The following ICA1 variants were observed in gnomAD, a reference collection of about 807,000 sequenced individuals.
ICA1 encodes 69 kDa islet cell autoantigen.
Under a neutral mutation model 71.0 loss-of-function variants are expected in ICA1, and 40 were observed. The ratio of observed to expected loss-of-function variants is 0.56; its 90% confidence interval spans 0.44 to 0.73. The LOEUF (loss-of-function observed/expected upper bound fraction) is 0.73. Ranked by LOEUF, ICA1 falls within the 30% of genes least tolerant of loss-of-function variation. The probability of loss-of-function intolerance (pLI) is 0.00; values close to 1 mark genes in which losing one functional copy is unlikely to be tolerated. For missense variants in ICA1, 578 were observed against 576.5 expected, an observed-to-expected ratio of 1.00 and a Z score of -0.03; for synonymous variants, 207 against 209.5, an observed-to-expected ratio of 0.99 and a Z score of 0.10.
At chr7:8,115,922 T>A (rs915912274) in intron 13 of ICA1, among the ~76,000 whole-genome samples, 1 of 152,222 alleles carries the variant, frequency 6.6e-6, no homozygotes, top group African/African-American at 2.4e-5. Context: ...TATTTCTGGC[T>A]AAAAATAGCA....
chr7:8,119,214 G>C (rs562161644), intron 13 of ICA1, among the ~76,000 whole-genome samples: 4 of 152,240 alleles, frequency 2.6e-5, no homozygotes, highest in African/African-American at 9.6e-5. Flanking sequence ...TTCCTGGAGG[G>C]CCAGGAGCTT....
chr7:8,153,334 G>T (rs535090871), intron 8 of ICA1, among the ~76,000 whole-genome samples: 37 of 152,270 alleles, frequency 2.4e-4, no homozygotes, highest in Admixed American at 7.8e-4. Flanking sequence ...TACAAATGCA[G>T]GAGGACAGGC....
intron 6 of ICA1, among the ~76,000 whole-genome samples, chr7:8,184,848 G>A (rs899598300): frequency 6.6e-6 from 1 of 152,184 alleles, no homozygotes; most frequent in African/African-American, 2.4e-5. Context: ...GCCAGGGCGG[G>A]CAGATCACTT....
chr7:8,196,531 G>C (rs2128314273), intron 6 of ICA1, among the ~76,000 whole-genome samples: 1 of 152,236 alleles, frequency 6.6e-6, no homozygotes, highest in East Asian at 1.9e-4. Flanking sequence ...GTCAACCTTG[G>C]CTCATTAATT....
At chr7:8,164,375 G>A (rs1030157834) in intron 6 of ICA1, among the ~76,000 whole-genome samples, 1 of 150,800 alleles carries the variant, frequency 6.6e-6, no homozygotes. Context: ...GTTTAGATTT[G>A]GATAGTGATG....
intron 8 of ICA1, among the ~76,000 whole-genome samples, chr7:8,145,797 C>A (rs1796683753): frequency 7.3e-6 from 1 of 136,662 alleles, no homozygotes; most frequent in South Asian, 2.5e-4. Flanking sequence ...AGACAGTAGT[C>A]CTTTTAACCA....
chr7:8,157,248 T>C (rs1232313105), intron 7 of ICA1, 34 bp from the exon 8 acceptor site: 1 of 1,557,698 alleles, frequency 6.4e-7, no homozygotes, highest in Admixed American at 1.9e-5. Context: ...ATTAATGTTT[T>C]GAATGCCCAG....
Position 8,128,123 on chromosome 7 carries a change from T to G in ICA1, c.1080A>C (p.Ala360=), listed in dbSNP as rs34160190. Residue 360 remains alanine, a synonymous_variant, in exon 13 of 14, where the codon GCA becomes GCC. Coordinates refer to ENST00000402384, the MANE Select transcript of ICA1 (RefSeq NM_001136020.3). The stretch of plus-strand genomic sequence containing the variant: ...CAGCACCTTCAGGTTCCGGGGTCCC[T>G]GCCACTGGTCCCAGGCAAGCTGATT... ...SEEGACLGPV[A]GTPEPEGADK... is the part of the protein sequence containing the mutation. The G allele has an allele frequency of 1.0e-3, 1,677 of 1,614,140 alleles. 6 individuals are homozygous for G. The highest frequency in any genetic ancestry group is 1.0e-3 in the Non-Finnish European group (1,222 of 1,179,988).
At chr7:8,165,176 C>T (rs1805451963) in intron 6 of ICA1, among the ~76,000 whole-genome samples, 3 of 152,206 alleles carry the variant, frequency 2.0e-5, no homozygotes, top group South Asian at 2.1e-4. Context: ...TGAACCAAGA[C>T]CTCTCGAGGG....
intron 6 of ICA1, among the ~76,000 whole-genome samples, chr7:8,172,270 G>T (rs1808644702): frequency 6.6e-6 from 1 of 151,924 alleles, no homozygotes; most frequent in Non-Finnish European, 1.5e-5. Context: ...ATCAGTTGTA[G>T]ACAACATTGG....
rs992516139 is a variant in ICA1 at position 8,123,708 on chromosome 7, G to T, written c.1330+4165C>A. ...TATCTCTATCCCTGTGTGCGACCAGGATGCCCAGGCCAGGGTGTCATTACA... is the reference window on the plus strand; with the variant it reads ...TATCTCTATCCCTGTGTGCGACCAGTATGCCCAGGCCAGGGTGTCATTACA... On this transcript the variant is annotated intron_variant, in intron 13 of 13. Coordinates refer to ENST00000402384, the MANE Select transcript of ICA1 (RefSeq NM_001136020.3). This position sits in a 1 kb window ranked among gnomAD's most constrained non-coding sequence, Gnocchi z 4.1. Among the ~76,000 whole-genome samples, 1 of 152,150 alleles carries T rather than the reference G, an allele frequency of 6.6e-6. No individual in the cohort carries two copies. The highest frequency in any genetic ancestry group is 2.4e-5 in the African/African-American group (1 of 41,414).
chr7:8,165,348 CAT>C (rs1161482805), intron 6 of ICA1, among the ~76,000 whole-genome samples: 1 of 152,204 alleles, frequency 6.6e-6, no homozygotes, highest in African/African-American at 2.4e-5. Flanking sequence ...GTGCACCACA[CAT>C]GTGTGTGGGC....
chr7:8,185,239 G>T (rs1783547035), intron 6 of ICA1, among the ~76,000 whole-genome samples: 1 of 152,180 alleles, frequency 6.6e-6, no homozygotes, highest in Non-Finnish European at 1.5e-5. Context: ...TCCTGACCTT[G>T]TAAGAATTAT....
intron 6 of ICA1, among the ~76,000 whole-genome samples, chr7:8,191,202 C>T (rs553419708): frequency 6.6e-6 from 1 of 152,258 alleles, no homozygotes; most frequent in African/African-American, 2.4e-5. Context: ...AGACATTGAC[C>T]AGGTCTCACT....
At position 8,138,964 on chromosome 7, in the gene ICA1, GT is replaced by G. The variant is rs1328225006; in HGVS notation, c.1018+20del. 1.2e-6 allele frequency: 2 copies of G among 1,606,766 alleles called. No individual in the cohort carries two copies. The highest frequency in any genetic ancestry group is 1.3e-5 in the African/African-American group (1 of 74,850). ...TGAGTCAAATAATTAAAATTGAGTA[GT>G]TTTCCTTAATCTAGGTTACCTGAGC... On this transcript the variant is annotated intron_variant, in intron 11 of 13. Coordinates refer to ENST00000402384, the MANE Select transcript of ICA1 (RefSeq NM_001136020.3).
At chr7:8,183,594 C>T (rs1782935515) in intron 6 of ICA1, among the ~76,000 whole-genome samples, 2 of 152,200 alleles carry the variant, frequency 1.3e-5, no homozygotes, top group South Asian at 4.1e-4. Context: ...GGATCAGAAG[C>T]TTCCTGCCTT....
At chr7:8,125,912 G>A (rs987858662) in intron 13 of ICA1, among the ~76,000 whole-genome samples, 2 of 152,218 alleles carry the variant, frequency 1.3e-5, no homozygotes, top group African/African-American at 2.4e-5. Context: ...TTAGACCTCA[G>A]TGTGGTTTGG....
chr7:8,230,999 T>A (rs1277056336), intron 3 of ICA1, among the ~76,000 whole-genome samples: 2 of 151,896 alleles, frequency 1.3e-5, no homozygotes, highest in East Asian at 3.8e-4. Flanking sequence ...GGCAAACAGA[T>A]GAACACCTGA....
rs190855880 is a variant in ICA1, at chr7:8,189,447, C to T, written c.579+28858G>A. Among the ~76,000 whole-genome samples the T allele has an allele frequency of 5.4e-4, 82 of 152,346 alleles. 1 individual carries two copies. The highest frequency in any genetic ancestry group is 1.0e-3 in the South Asian group (5 of 4,834). ...CAGAACACACAGGCGGATTCTTTCG[C>T]CTCCTCGCTCTGCTAGGGGCATGAA... On this transcript the variant is annotated intron_variant, in intron 6 of 13. Coordinates refer to ENST00000402384, the MANE Select transcript of ICA1 (RefSeq NM_001136020.3).
Sources: gnomAD v4.1 joint callset for allele counts (sites outside exome capture counted in the v4.1 genomes callset) on GRCh38, gnomAD v4.1.1 for gene constraint, Gnocchi (gnomAD v3.1) non-coding constraint, MANE v1.5 for transcripts, NCBI Gene and HGNC (gene_info 2026-07-23, HGNC 2026-07-21) for gene names.